Variants in SLC3A1 observed in about 807,000 individuals in gnomAD.
The protein encoded by SLC3A1 is solute carrier family 3 member 1.
In SLC3A1, 78 loss-of-function variants were observed where a neutral mutation model predicts 60.3. The ratio of observed to expected loss-of-function variants is 1.29; its 90% CI spans 1.08 to 1.56. The LOEUF (loss-of-function observed/expected upper bound fraction) is 1.56. Among genes scored for constraint, SLC3A1 ranks in the 40% most tolerant of loss-of-function variants. The probability of loss-of-function intolerance (pLI) is 0.00; values close to 1 mark genes in which losing one functional copy is unlikely to be tolerated. For missense variants in SLC3A1, 1,172 were observed against 858.9 expected (o/e 1.36, Z -4.56); for synonymous variants, 392 against 307.9 (o/e 1.27, Z -2.86).
chr2:44,281,570 G>C (rs749920066), intron 3 of SLC3A1, 29 bp downstream of exon 3: 2 of 1,610,262 alleles, frequency 1.2e-6, no homozygotes, highest in Admixed American at 1.7e-5. Flanking sequence ...GACTTACAAA[G>C]GGGTAAAAGG....
chr2:44,303,433 C>T (rs915831503), intron 6 of SLC3A1, among the ~76,000 whole-genome samples: 4 of 151,534 alleles, frequency 2.6e-5, no homozygotes, highest in Non-Finnish European at 5.9e-5. Flanking sequence ...AGAGATGTTT[C>T]TCCACGTTGG....
At chr2:44,287,329 A>T (rs773306312) in intron 4 of SLC3A1, among the ~76,000 whole-genome samples, 4 of 152,172 alleles carry the variant, frequency 2.6e-5, no homozygotes, top group Non-Finnish European at 2.9e-5. Context: ...GAAGTGAGAA[A>T]GGAACCATGT....
intron 4 of SLC3A1, among the ~76,000 whole-genome samples, chr2:44,286,700 C>T (rs1278872385): frequency 1.5e-5 from 2 of 131,296 alleles, no homozygotes; most frequent in Admixed American, 8.2e-5. Flanking sequence ...GTGCCTGTGA[C>T]TGAGCTGTGC....
At chr2:44,300,360 A>G (rs1376745152) in intron 5 of SLC3A1, among the ~76,000 whole-genome samples, 1 of 152,214 alleles carries the variant, frequency 6.6e-6, no homozygotes, top group Non-Finnish European at 1.5e-5. Flanking sequence ...GGGCTCTACC[A>G]AGGGCCACAA....
At chr2:44,312,867 G>A in intron 8 of SLC3A1, 114 bp downstream of exon 8, 1 of 851,244 alleles carries the variant, frequency 1.2e-6, no homozygotes, top group Non-Finnish European at 1.9e-6. Flanking sequence ...TGAAAATCAT[G>A]GTTACTTTGC....
intron 3 of SLC3A1, among the ~76,000 whole-genome samples, chr2:44,284,456 C>G (rs1671568734): frequency 6.6e-6 from 1 of 152,130 alleles, no homozygotes; most frequent in Admixed American, 6.5e-5. Context: ...AGGATAGTGT[C>G]AAATTCATTA....
rs779104116 is a variant in SLC3A1, at chr2:44,320,625, T to A, written c.2044T>A (p.Tyr682Asn). 1 of 1,613,666 alleles carries A rather than the reference T, an allele frequency of 6.2e-7. No individual in the cohort carries two copies. Among genetic ancestry groups the A allele is most frequent in the South Asian group, 1.1e-5 (1 of 91,066 alleles). ...CTATTCCAGTGTACTGAACATACTG[T>A]ATACCTCGTGTTAGGCACCTTTATG... The part of the protein sequence containing the change: ...ACYSSVLNIL[Y>N]TSC Residue 682 changes from tyrosine (Y) to asparagine (N), a missense_variant, in exon 10 of 10, where the codon TAT (tyrosine) becomes AAT (asparagine). Tyr to Asn is a moderately radical substitution (Grantham distance 143, BLOSUM62 -2). Transcript: ENST00000260649.
chr2:44,313,556 T>C (rs986489766), intron 8 of SLC3A1, among the ~76,000 whole-genome samples: 9 of 152,184 alleles, frequency 5.9e-5, no homozygotes, highest in African/African-American at 2.2e-4. Context: ...AATCCTGTAT[T>C]ATTGATTTTT....
intron 6 of SLC3A1, among the ~76,000 whole-genome samples, chr2:44,302,044 T>G (rs1013187362): frequency 6.6e-6 from 1 of 152,154 alleles, no homozygotes; most frequent in Non-Finnish European, 1.5e-5. Flanking sequence ...AACAGAGCAA[T>G]ACTCCATCTC....
At chr2:44,298,674 G>A (rs958644129) in intron 4 of SLC3A1, among the ~76,000 whole-genome samples, 3 of 151,938 alleles carry the variant, frequency 2.0e-5, no homozygotes, top group Non-Finnish European at 4.4e-5. Flanking sequence ...CGCTGCGCCC[G>A]GACTAACCAC....
At chr2:44,292,536 G>A (rs949929629) in intron 4 of SLC3A1, among the ~76,000 whole-genome samples, 2 of 152,020 alleles carry the variant, frequency 1.3e-5, no homozygotes, top group Admixed American at 6.6e-5. Flanking sequence ...GGTGGGAGGT[G>A]GACAATTAAA....
intron 1 of SLC3A1, among the ~76,000 whole-genome samples, chr2:44,278,216 AG>A (rs1351537920): frequency 1.3e-5 from 2 of 152,028 alleles, no homozygotes; most frequent in African/African-American, 4.8e-5. Context: ...AGGCCGAGGC[AG>A]GTGGATCACG....
intron 1 of SLC3A1, among the ~76,000 whole-genome samples, chr2:44,277,436 G>T (rs1405243084): frequency 6.6e-6 from 1 of 152,036 alleles, no homozygotes; most frequent in Non-Finnish European, 1.5e-5. Flanking sequence ...AAATCATCCT[G>T]CATTGTCACT....
chr2:44,281,499 C>A lies in SLC3A1; in HGVS notation c.723C>A (p.Asp241Glu). 1 of 1,614,016 alleles carries A rather than the reference C, an allele frequency of 6.2e-7. No individual in the cohort carries two copies. The highest frequency in any genetic ancestry group is 8.5e-7 in the Non-Finnish European group (1 of 1,179,884). Residue 241 changes from aspartate (D) to glutamate (E), a missense_variant, in exon 3 of 10, where the codon GAC becomes GAA. Coordinates refer to ENST00000260649, the MANE Select transcript of SLC3A1 (RefSeq NM_000341.4). ...GKYTDYYIWH[D>E]CTHENGKTIP... ...ATACTGATTATTATATCTGGCATGA[C>A]TGTACCCATGAAAATGGCAAAACCA...
At chr2:44,278,665 T>C (rs1020589383) in intron 1 of SLC3A1, among the ~76,000 whole-genome samples, 1 of 152,078 alleles carries the variant, frequency 6.6e-6, no homozygotes, top group Non-Finnish European at 1.5e-5. Flanking sequence ...AGTTGCTGAA[T>C]ATGCATTTGG....
In SLC3A1 at chr2:44,281,486, A is replaced by G; in HGVS notation, c.710A>G (p.Tyr237Cys). 1 of 1,613,994 alleles carries G rather than the reference A, an allele frequency of 6.2e-7. No individual in the cohort carries two copies. The highest frequency in any genetic ancestry group is 8.5e-7 in the Non-Finnish European group (1 of 1,179,868). ...CGGACAGGAAAATATACTGATTATTATATCTGGCATGACTGTACCCATGAA... is the reference window on the plus strand; with the variant it reads ...CGGACAGGAAAATATACTGATTATTGTATCTGGCATGACTGTACCCATGAA... ...RTRTGKYTDY[Y>C]IWHDCTHENG... Residue 237 changes from tyrosine (Y) to cysteine (C), a missense_variant, in exon 3 of 10, where the codon TAT (tyrosine) becomes TGT (cysteine). Transcript: ENST00000260649.
At chr2:44,287,741 A>G (rs922236568) in intron 4 of SLC3A1, among the ~76,000 whole-genome samples, 1 of 152,086 alleles carries the variant, frequency 6.6e-6, no homozygotes, top group African/African-American at 2.4e-5. Flanking sequence ...AGTGGGCAGA[A>G]ACTTAGGGGA....
Position 44,304,143 on chromosome 2 carries a change from G to T in SLC3A1, c.1137G>T (p.Arg379Ser), listed in dbSNP as rs763367098. 1.9e-6 allele frequency: 3 copies of T among 1,613,706 alleles called. No homozygotes were observed. In the South Asian group the frequency reaches 3.3e-5, roughly 18 times the overall value. The change falls in exon 7 of 10, where the codon AGG (arginine) becomes AGT (serine). Residue 379 changes from arginine (R) to serine (S), a missense_variant and splice_region_variant. Coordinates refer to ENST00000260649, the MANE Select transcript of SLC3A1 (RefSeq NM_000341.4). ...DQYSTEPGRY[R>S]FMGTEAYAES... ...CACTGAACCTTGTCAACTCTTATAG[G>T]TTCATGGGGACTGAAGCCTATGCAG...
chr2:44,308,617 ATTC>A (rs770957314), intron 7 of SLC3A1, among the ~76,000 whole-genome samples: 1 of 152,030 alleles, frequency 6.6e-6, no homozygotes, highest in Admixed American at 6.6e-5. Context: ...TCATTATTGG[ATTC>A]TTCATTATTA....
Sources: gnomAD v4.1 joint callset for allele counts (sites outside exome capture counted in the v4.1 genomes callset) on GRCh38, gnomAD v4.1.1 for gene constraint, MANE v1.5 for transcripts, NCBI Gene and HGNC (gene_info 2026-07-23, HGNC 2026-07-21) for gene names.